ARL8A: variants seen among roughly 807,000 people sequenced by gnomAD.
ARL8A encodes the protein ADP-ribosylation factor-like protein 8A.
In ARL8A, 10 loss-of-function variants were observed where a neutral mutation model predicts 31.2. The ratio of observed to expected loss-of-function variants is 0.32; its 90% confidence interval spans 0.20 to 0.54. The LOEUF (loss-of-function observed/expected upper bound fraction) is 0.54. Among genes scored for constraint, ARL8A ranks in the 20% least tolerant of loss-of-function variants. ARL8A has a pLI of 0.93. For missense variants in ARL8A, 129 were observed against 242.8 expected (o/e 0.53, Z 3.12); for synonymous variants, 70 against 86.9 (o/e 0.81, Z 1.08).
intron 3 of ARL8A, 76 bp downstream of exon 3, chr1:202,137,889 T>C: frequency 1.3e-6 from 2 of 1,511,450 alleles, no homozygotes; most frequent in Middle Eastern, 1.7e-4. Context: ...ACCCTGCGCC[T>C]CTGAGGTCCT....
At position 202,138,545 on chromosome 1, in the gene ARL8A, G is replaced by A; in HGVS notation, c.124-97C>T. The A allele has an allele frequency of 8.5e-7, 1 of 1,180,902 alleles. No homozygotes were observed. The highest frequency in any genetic ancestry group is 1.2e-6 in the Non-Finnish European group (1 of 802,172). The allele number at this position is 1,180,902 out of a possible 1,614,324, so 73.2% of individuals were successfully genotyped here. A position where few individuals can be genotyped will look rare whatever the true frequency, so the allele number is the denominator to read the frequency against. On this transcript the variant is annotated intron_variant, in intron 1 of 6. Transcript: ENST00000272217. This position sits in a 1 kb window ranked among gnomAD's most constrained non-coding sequence, Gnocchi z 4.4. ...AGAACCATGCAGAGGCCAGGCCAGA[G>A]CTTCCTAGACTTCCCACTGTGGGGT... is the stretch of plus-strand genomic sequence containing the variant.
At chr1:202,141,346 T>C (rs1655159659) in intron 1 of ARL8A, among the ~76,000 whole-genome samples, 1 of 152,070 alleles carries the variant, frequency 6.6e-6, no homozygotes, top group Non-Finnish European at 1.5e-5. Context: ...TTCTTTATAT[T>C]GAGTTAACAA....
chr1:202,139,300 C>T (rs189705150), intron 1 of ARL8A, among the ~76,000 whole-genome samples: 311 of 152,230 alleles, frequency 2.0e-3, no homozygotes, highest in Middle Eastern at 3.4e-3. Flanking sequence ...CTCGGCCGGG[C>T]GCGATGGCTC....
rs371875338 is a variant in ARL8A at position 202,137,901 on chromosome 1, G to T, written c.278+64C>A. The T allele has an allele frequency of 1.9e-6, 3 of 1,573,074 alleles. No homozygotes were observed. The African/African-American group carries it at 4.1e-5, about 21-fold the overall frequency. On this transcript the variant is annotated intron_variant, in intron 3 of 6. Transcript: ENST00000272217. ...AAAACCCTGCGCCTCTGAGGTCCTC[G>T]AAGGTAGCAGGGCTAGGGGGGCCGG... is the stretch of plus-strand genomic sequence containing the variant.
chr1:202,141,397 T>A (rs1159560833), intron 1 of ARL8A, among the ~76,000 whole-genome samples: 1 of 152,008 alleles, frequency 6.6e-6, no homozygotes, highest in Non-Finnish European at 1.5e-5. Context: ...ATCCCAGCAC[T>A]TTGGGAGGCT....
Position 202,138,478 on chromosome 1 carries a change from T to C in ARL8A, c.124-30A>G. Reference sequence around the variant, plus strand: ...AAAGAAGACTCAGAATGGGAAACAGTGCAAAAATCGATATGCCCCCACCGC... The same window carrying C: ...AAAGAAGACTCAGAATGGGAAACAGCGCAAAAATCGATATGCCCCCACCGC... On this transcript the variant is annotated intron_variant, in intron 1 of 6. Transcript: ENST00000272217. This position sits in a 1 kb window ranked among gnomAD's most constrained non-coding sequence, Gnocchi z 4.4. 1 of 1,604,650 alleles carries C rather than the reference T, an allele frequency of 6.2e-7. No individual in the cohort carries two copies. The highest frequency in any genetic ancestry group is 8.5e-7 in the Non-Finnish European group (1 of 1,171,504).
rs1353272304 is a variant in ARL8A, at chr1:202,135,145, C to T, written c.511+5G>A. On this transcript the variant is annotated splice_donor_5th_base_variant and intron_variant, in intron 6 of 6. Transcript: ENST00000272217. This position sits in a 1 kb window ranked among gnomAD's most constrained non-coding sequence, Gnocchi z 5.3. ...CCTCTCCTCCCTTTCCCCCATCCTA[C>T]GCACCAATGTTGTCCTTTTCTTTGC... 3 of 1,612,680 alleles carry T rather than the reference C, an allele frequency of 1.9e-6. No homozygotes were observed. The highest frequency in any genetic ancestry group is 2.5e-6 in the Non-Finnish European group (3 of 1,178,800).
rs368297615 is a variant in ARL8A, at chr1:202,138,015, C to G, written c.228G>C (p.Pro76=). Residue 76 remains proline (P), a synonymous_variant, in exon 3 of 7, where the codon CCG becomes CCC. Coordinates refer to ENST00000272217, the MANE Select transcript of ARL8A (RefSeq NM_138795.4). This position sits in a 1 kb window ranked among gnomAD's most constrained non-coding sequence, Gnocchi z 4.4. ...TIKLWDIGGQ[P]RFRSMWERYC... The stretch of plus-strand genomic sequence containing the variant: ...AGCGCTCCCACATGCTGCGGAAACG[C>G]GGCTGTCCCCCAATGTCCCAGAGCT... The G allele has an allele frequency of 6.2e-7, 1 of 1,614,106 alleles. No homozygotes were observed. The highest frequency in any genetic ancestry group is 1.7e-5 in the Admixed American group (1 of 60,010).
rs1396191428 is a variant in ARL8A at position 202,134,814 on chromosome 1, G to A, written c.512-298C>T. Among the ~76,000 whole-genome samples the A allele has an allele frequency of 6.6e-6, 1 of 152,192 alleles. No homozygotes were observed. Among genetic ancestry groups the A allele is most frequent in the African/African-American group, 2.4e-5 (1 of 41,436 alleles). On this transcript the variant is annotated intron_variant, in intron 6 of 6. Coordinates refer to ENST00000272217, the MANE Select transcript of ARL8A (RefSeq NM_138795.4). This position sits in a 1 kb window ranked among gnomAD's most constrained non-coding sequence, Gnocchi z 4.2. Reference sequence around the variant, plus strand: ...AGTCCAGAGCTGGCAAGCGCCACATGGCCCTGAATGAGTAGTAGCGGAATT... The same window carrying A: ...AGTCCAGAGCTGGCAAGCGCCACATAGCCCTGAATGAGTAGTAGCGGAATT...
rs746321804 is a variant in ARL8A at position 202,135,773 on chromosome 1, C to T, written c.306G>A (p.Glu102=). ...GCTCGTTCTTAGAGGCCTCAATCTT[C>T]TCCTGGTCAGCAGCATCCACCATGT... is the stretch of plus-strand genomic sequence containing the variant. ...IVYMVDAADQ[E]KIEASKNELH... Residue 102 remains glutamate (E), a synonymous_variant, in exon 4 of 7, where the codon GAG becomes GAA. Transcript: ENST00000272217. This position sits in a 1 kb window ranked among gnomAD's most constrained non-coding sequence, Gnocchi z 5.3. 4 of 1,614,180 alleles carry T rather than the reference C, an allele frequency of 2.5e-6. No homozygotes were observed. The highest frequency in any genetic ancestry group is 3.3e-4 in the Middle Eastern group (2 of 6,062).
chr1:202,143,805 C>T (rs558516096), intron 1 of ARL8A, among the ~76,000 whole-genome samples: 6 of 152,202 alleles, frequency 3.9e-5, no homozygotes, highest in Non-Finnish European at 7.3e-5. Context: ...TCCAAACTCC[C>T]GTTACCATGC....
At chr1:202,139,355 C>T (rs1225717195) in intron 1 of ARL8A, among the ~76,000 whole-genome samples, 2 of 151,996 alleles carry the variant, frequency 1.3e-5, no homozygotes, top group African/African-American at 4.8e-5. Flanking sequence ...GGGCAGATCA[C>T]GAGGTCAGGA....
In ARL8A at chr1:202,138,865, T is replaced by C. The variant is rs1655088431; in HGVS notation, c.124-417A>G. On this transcript the variant is annotated intron_variant, in intron 1 of 6. Transcript: ENST00000272217. The surrounding 1 kb of genome is among the most constrained non-coding windows in gnomAD (Gnocchi z 4.4). ...AAAGAAAGCAGATGAATTTTCAAAC[T>C]AAAAAATCAAACTTTTTAGGGCAGA... is the stretch of plus-strand genomic sequence containing the variant. Among the ~76,000 whole-genome samples the C allele has an allele frequency of 6.6e-6, 1 of 152,178 alleles. No individual in the cohort carries two copies. Among genetic ancestry groups the C allele is most frequent in the African/African-American group, 2.4e-5 (1 of 41,452 alleles).
chr1:202,143,504 G>A (rs954323788), intron 1 of ARL8A, among the ~76,000 whole-genome samples: 1 of 152,230 alleles, frequency 6.6e-6, no homozygotes, highest in Non-Finnish European at 1.5e-5. Flanking sequence ...CCTGTCCCAT[G>A]CTTCCTCGAC....
At chr1:202,136,407 G>A (rs1655007582) in intron 3 of ARL8A, among the ~76,000 whole-genome samples, 1 of 152,118 alleles carries the variant, frequency 6.6e-6, no homozygotes, top group African/African-American at 2.4e-5. Flanking sequence ...AACCTCCCAA[G>A]TAACTGGGAC....
rs1190307037 is a variant in ARL8A at position 202,144,197 on chromosome 1, T to A, written c.123+253A>T. Among the ~76,000 whole-genome samples the A allele has an allele frequency of 6.6e-6, 1 of 151,922 alleles. No individual in the cohort carries two copies. The highest frequency in any genetic ancestry group is 1.5e-5 in the Non-Finnish European group (1 of 67,940). ...GCCCCGTGGCACCGGCCCTGTCTGT[T>A]CGTCCCCCTTCCCCTGCCCCCAGCC... On this transcript the variant is annotated intron_variant, in intron 1 of 6. Coordinates refer to ENST00000272217, the MANE Select transcript of ARL8A (RefSeq NM_138795.4). This position sits in a 1 kb window ranked among gnomAD's most constrained non-coding sequence, Gnocchi z 5.2.
intron 1 of ARL8A, among the ~76,000 whole-genome samples, chr1:202,142,614 A>C (rs1655191208): frequency 6.6e-6 from 1 of 152,206 alleles, no homozygotes; most frequent in South Asian, 2.1e-4. Flanking sequence ...TGGCAAATTT[A>C]AGATTAAAAA....
At chr1:202,137,362 C>T (rs753066464) in intron 3 of ARL8A, among the ~76,000 whole-genome samples, 9 of 151,944 alleles carry the variant, frequency 5.9e-5, no homozygotes, top group African/African-American at 9.7e-5. Context: ...GAGGGCTGCG[C>T]GCGGTGGCTC....
intron 3 of ARL8A, among the ~76,000 whole-genome samples, chr1:202,137,559 A>G (rs566775516): frequency 1.3e-5 from 2 of 151,954 alleles, no homozygotes; most frequent in Non-Finnish European, 2.9e-5. Flanking sequence ...CCTGGGAGGC[A>G]GGAGGTTGTG....
Sources: gnomAD v4.1 joint callset for allele counts (sites outside exome capture counted in the v4.1 genomes callset) on GRCh38, gnomAD v4.1.1 for gene constraint, Gnocchi (gnomAD v3.1) non-coding constraint, MANE v1.5 for transcripts, NCBI Gene and HGNC (gene_info 2026-07-23, HGNC 2026-07-21) for gene names.